Variants in PIGN observed in about 807,000 individuals in gnomAD.
The protein encoded by PIGN is GPI ethanolamine phosphate transferase 1.
In PIGN, 117 loss-of-function variants were observed where a neutral mutation model predicts 125.4. The ratio of observed to expected loss-of-function variants is 0.93; its 90% confidence interval spans 0.80 to 1.09. PIGN has a LOEUF of 1.09. Ranked by LOEUF, PIGN falls within the 50% of genes least tolerant of loss-of-function variation. PIGN has a pLI of 0.00. For missense variants in PIGN, 1,075 were observed against 1,094.9 expected (o/e 0.98, Z 0.26); for synonymous variants, 392 against 377.8 (o/e 1.04, Z -0.44).
intron 1 of PIGN, chr18:62,186,412 G>C (rs2038017613): frequency 6.6e-6 from 1 of 152,244 alleles, no homozygotes; most frequent in Admixed American, 6.5e-5. Flanking sequence ...TGGTGAGACA[G>C]CATTAGATAT....
At chr18:62,167,286 ATGTGTGTGTGTG>A (rs61310777) in intron 1 of PIGN, among the ~76,000 whole-genome samples, 2,163 of 139,356 alleles carry the variant, frequency 0.016, 42 homozygotes, top group African/African-American at 0.047. Flanking sequence ...AGAGATATAT[ATGTGTGTGTGTG>A]TGTGTGTGTG....
Position 62,102,895 on chromosome 18 carries a change from C to T in PIGN, c.1867G>A (p.Ala623Thr), listed in dbSNP as rs1285848947. 6.4e-7 allele frequency: 1 copy of T among 1,552,218 alleles called. No individual in the cohort carries two copies. Among genetic ancestry groups the T allele is most frequent in the East Asian group, 2.3e-5 (1 of 43,220 alleles). ...RKPDISLVMG[A>T]GLLVLLLSLC... ...GATAACAGAAGAACCAGCAAGCCTG[C>T]ACCCATCCTGTTTTGAAATACAATT... Residue 623 changes from alanine (A) to threonine (T), a missense_variant, in exon 21 of 31, where the codon GCA (alanine) becomes ACA (threonine). Coordinates refer to ENST00000640252, the MANE Select transcript of PIGN (RefSeq NM_176787.5).
At chr18:62,039,287 C>T (rs2030303384), downstream of PIGN, among the ~76,000 whole-genome samples, 1 of 152,084 alleles carries the variant, frequency 6.6e-6, no homozygotes, top group South Asian at 2.1e-4. Flanking sequence ...ACTCCCTCAC[C>T]CAGTTTCTCT....
chr18:62,105,735 A>C, intron 19 of PIGN, 101 bp from the exon 20 acceptor site: 1 of 603,574 alleles, frequency 1.7e-6, no homozygotes, highest in Non-Finnish European at 2.9e-6. Flanking sequence ...GGAAAATGCA[A>C]AGCCTTACAG....
chr18:62,029,380 G>T (rs17633621), intron 23 of PIGN, among the ~76,000 whole-genome samples: 26,251 of 152,056 alleles, frequency 0.17, 3,096 homozygotes, highest in Middle Eastern at 0.29. Context: ...TAACCATTTC[G>T]GTTTCCCTAA....
At chr18:62,070,124 A>C (rs1404786262) in intron 30 of PIGN, 2 of 300,568 alleles carry the variant, frequency 6.7e-6, no homozygotes, top group Non-Finnish European at 1.2e-5. Context: ...TATATAAATT[A>C]ATTCATTCAA....
chr18:62,108,280 CACA>C (rs1334639996), intron 17 of PIGN, among the ~76,000 whole-genome samples: 8 of 152,140 alleles, frequency 5.3e-5, no homozygotes, highest in African/African-American at 1.9e-4. Context: ...AAAGATAGGA[CACA>C]ACATACTTTC....
At chr18:62,158,949 G>A (rs13381729) in intron 4 of PIGN, among the ~76,000 whole-genome samples, 118 of 152,318 alleles carry the variant, frequency 7.7e-4, no homozygotes, top group African/African-American at 2.5e-3. Context: ...TTTAGATCAC[G>A]TTTTTATAAA....
chr18:62,031,547 C>T (rs529022533), intron 23 of PIGN, among the ~76,000 whole-genome samples: 12 of 152,176 alleles, frequency 7.9e-5, no homozygotes, highest in African/African-American at 2.7e-4. Flanking sequence ...GATGCTCTGC[C>T]CCAAGGAAGA....
intron 23 of PIGN, among the ~76,000 whole-genome samples, chr18:62,027,431 A>T (rs2030137048): frequency 6.6e-6 from 1 of 152,208 alleles, no homozygotes; most frequent in African/African-American, 2.4e-5. Context: ...TATACATTTT[A>T]GGGAGACATG....
At chr18:62,018,325 A>C (rs616822) in intron 23 of PIGN, among the ~76,000 whole-genome samples, 100,051 of 152,156 alleles carry the variant, frequency 0.66, 34,402 homozygotes, top group African/African-American at 0.87. Context: ...CTTCACCAGC[A>C]CTGAGGCGAG....
chr18:62,131,301 C>T (rs4324237), intron 14 of PIGN, among the ~76,000 whole-genome samples: 88,218 of 151,774 alleles, frequency 0.58, 26,353 homozygotes, highest in East Asian at 0.75. Context: ...GGTATATATC[C>T]CCTTCCCAAT....
At chr18:62,179,632 GCT>G (rs1349389061) in intron 1 of PIGN, among the ~76,000 whole-genome samples, 4 of 152,114 alleles carry the variant, frequency 2.6e-5, no homozygotes, top group Non-Finnish European at 4.4e-5. Context: ...TGTAGTCCCA[GCT>G]ACTTGTGGGG....
intron 30 of PIGN, among the ~76,000 whole-genome samples, chr18:62,071,261 T>C (rs566796560): frequency 1.3e-5 from 2 of 152,300 alleles, no homozygotes; most frequent in South Asian, 4.1e-4. Context: ...GATGAGAGAT[T>C]AAGAAAACAC....
chr18:62,038,019 C>T (rs921299852), downstream of PIGN, among the ~76,000 whole-genome samples: 2 of 152,146 alleles, frequency 1.3e-5, no homozygotes, highest in Admixed American at 1.3e-4. Context: ...GAGTTCTTTG[C>T]AGTTCCTGGA....
intron 25 of PIGN, among the ~76,000 whole-genome samples, chr18:62,086,607 C>T (rs1032329813): frequency 2.7e-4 from 37 of 135,410 alleles, no homozygotes; most frequent in Non-Finnish European, 5.0e-4. Flanking sequence ...CAGAGTAAGA[C>T]TCCGTTTTTT....
chr18:62,040,954 T>C (rs1347959306), downstream of PIGN, among the ~76,000 whole-genome samples: 1 of 152,196 alleles, frequency 6.6e-6, no homozygotes, highest in Non-Finnish European at 1.5e-5. Flanking sequence ...TTGATACCAG[T>C]CAAGCTAATT....
chr18:62,174,421 T>C (rs2037449991), intron 1 of PIGN: 1 of 152,148 alleles, frequency 6.6e-6, no homozygotes, highest in East Asian at 1.9e-4. Flanking sequence ...CCTTAGTAAA[T>C]GTTTATTGCC....
intron 27 of PIGN, among the ~76,000 whole-genome samples, chr18:62,084,328 T>C (rs947664083): frequency 6.6e-6 from 1 of 152,170 alleles, no homozygotes; most frequent in African/African-American, 2.4e-5. Context: ...GAATCCCTAC[T>C]CTTTTGAAGT....
Sources: allele counts gnomAD v4.1 joint callset (sites outside exome capture counted in the v4.1 genomes callset), GRCh38; gene constraint gnomAD v4.1.1; transcripts MANE v1.5; gene names NCBI Gene and HGNC (gene_info 2026-07-23, HGNC 2026-07-21).